CNTLN: variants seen among roughly 807,000 people sequenced by gnomAD.
CNTLN encodes centlein, centrosomal protein.
A neutral mutation model predicts 180.0 loss-of-function variants in CNTLN; 212 were observed. That is an observed-to-expected ratio of 1.18 (90% confidence interval 1.05 to 1.32). The LOEUF (loss-of-function observed/expected upper bound fraction) is 1.32, where lower values mean the gene tolerates loss of function less well. Ranked by LOEUF, CNTLN falls within the 40% of genes most tolerant of loss-of-function variation. The pLI is 0.00. For missense variants in CNTLN, 2,095 were observed against 1,610.9 expected (o/e 1.30, Z -5.14); for synonymous variants, 722 against 563.1 (o/e 1.28, Z -3.99).
chr9:17,379,678 T>G (rs1825067740), intron 13 of CNTLN, among the ~76,000 whole-genome samples: 1 of 152,206 alleles, frequency 6.6e-6, no homozygotes, highest in South Asian at 2.1e-4. Context: ...CCCTCTAACT[T>G]ACTTTTCTTC....
rs1285852816 is a variant in CNTLN, at chr9:17,207,521, A to G, written c.450-18682A>G. Reference sequence around the variant, plus strand: ...GGAATCTTCCGTTGTGCAGACTGCAAAAACCGTGGGAAAATTGTAGTACCT... The same window carrying G: ...GGAATCTTCCGTTGTGCAGACTGCAGAAACCGTGGGAAAATTGTAGTACCT... On this transcript the variant is annotated intron_variant, in intron 2 of 25. Coordinates refer to ENST00000380647, the MANE Select transcript of CNTLN (RefSeq NM_017738.4). 3.3e-5 allele frequency among the ~76,000 whole-genome samples: 5 copies of G among 152,198 alleles called. No individual in the cohort carries two copies. The East Asian group carries it at 9.7e-4, about 29-fold the overall frequency.
chr9:17,197,081 G>A (rs928759633), intron 2 of CNTLN, among the ~76,000 whole-genome samples: 2 of 152,082 alleles, frequency 1.3e-5, no homozygotes, highest in African/African-American at 4.8e-5. Flanking sequence ...CCCTAAATAT[G>A]TGAGCAAATT....
intron 7 of CNTLN, chr9:17,301,816 C>T (rs1260334263): frequency 1.0e-6 from 1 of 981,042 alleles, no homozygotes; most frequent in African/African-American, 1.8e-5. Flanking sequence ...TTTATAATTC[C>T]ATCTCCCAGA....
intron 16 of CNTLN, among the ~76,000 whole-genome samples, chr9:17,410,776 A>G (rs1457284267): frequency 6.6e-6 from 1 of 152,052 alleles, no homozygotes. Context: ...AATATTTGTC[A>G]TTAACTTTTT....
At chr9:17,354,950 T>C (rs1270508337) in intron 12 of CNTLN, among the ~76,000 whole-genome samples, 1 of 151,594 alleles carries the variant, frequency 6.6e-6, no homozygotes, top group Non-Finnish European at 1.5e-5. Context: ...AAGGAACAAC[T>C]CCAGACACGC....
intron 8 of CNTLN, among the ~76,000 whole-genome samples, chr9:17,318,610 A>T (rs186040593): frequency 3.3e-5 from 5 of 152,288 alleles, no homozygotes; most frequent in African/African-American, 1.2e-4. Context: ...GGACAAATGA[A>T]TTTGCTATTT....
chr9:17,345,516 G>T (rs564120988), intron 12 of CNTLN, among the ~76,000 whole-genome samples: 39 of 148,812 alleles, frequency 2.6e-4, no homozygotes, highest in South Asian at 6.4e-4. Context: ...TAGAGTTTTT[G>T]ACTATATCTT....
intron 15 of CNTLN, among the ~76,000 whole-genome samples, chr9:17,404,522 A>G (rs1827228472): frequency 6.6e-6 from 1 of 151,632 alleles, no homozygotes; most frequent in Admixed American, 6.6e-5. Flanking sequence ...AAAAGCGTCA[A>G]AAGGAGCTAC....
At chr9:17,518,322 C>T in the CNTLN span, among the ~76,000 whole-genome samples, 174 of 152,206 alleles carry the variant, frequency 1.1e-3, 1 homozygote, top group African/African-American at 3.9e-3. Context: ...GCTGGGATTA[C>T]AGGCATGAGC....
intron 12 of CNTLN, among the ~76,000 whole-genome samples, chr9:17,358,097 A>G (rs915600970): frequency 1.1e-4 from 16 of 152,026 alleles, no homozygotes; most frequent in Non-Finnish European, 2.2e-4. Flanking sequence ...AAAACCCTTG[A>G]GAGAAAAATT....
chr9:17,524,874 C>G, the CNTLN span, among the ~76,000 whole-genome samples: 1 of 152,168 alleles, frequency 6.6e-6, no homozygotes, highest in African/African-American at 2.4e-5. Context: ...GCCCCTGACA[C>G]CTGGGAGACG....
intron 15 of CNTLN, among the ~76,000 whole-genome samples, chr9:17,404,249 C>G (rs1827205354): frequency 6.6e-6 from 1 of 151,690 alleles, no homozygotes. Flanking sequence ...GGTATATGCC[C>G]TAAACTGAGA....
chr9:17,142,083 GAAAA>G (rs1180057903), intron 1 of CNTLN, among the ~76,000 whole-genome samples: 2 of 57,752 alleles, frequency 3.5e-5, no homozygotes, highest in East Asian at 4.6e-4. Flanking sequence ...CTCTGTCTCA[GAAAA>G]AAAAAAAAAA....
At chr9:17,483,507 T>C (rs1267535485) in intron 23 of CNTLN, among the ~76,000 whole-genome samples, 1 of 152,196 alleles carries the variant, frequency 6.6e-6, no homozygotes, top group Admixed American at 6.5e-5. Context: ...CCATTATTTA[T>C]TCTAACATTG....
At chr9:17,375,734 G>A (rs975045810) in intron 13 of CNTLN, among the ~76,000 whole-genome samples, 3 of 151,444 alleles carry the variant, frequency 2.0e-5, no homozygotes, top group African/African-American at 7.4e-5. Flanking sequence ...AAATCTTAGA[G>A]TTAGAAGGAA....
chr9:17,268,834 T>C (rs1827713430), intron 5 of CNTLN, among the ~76,000 whole-genome samples: 1 of 151,576 alleles, frequency 6.6e-6, no homozygotes, highest in African/African-American at 2.4e-5. Flanking sequence ...CGTAGGACCC[T>C]CTGAGCCAGG....
At position 17,143,330 on chromosome 9, in the gene CNTLN, G is replaced by C. The variant is rs1036781596; in HGVS notation, c.403G>C (p.Val135Leu). Residue 135 changes from valine (V) to leucine (L), a missense_variant, in exon 2 of 26, where the codon GTT becomes CTT. Transcript: ENST00000380647. ...FVWSLWKRLQ[V>L]TNPDLTQVVS... ...ATGGTCTTTGTGGAAACGTCTCCAG[G>C]TTACAAACCCAGATCTCACACAAGT... 4.3e-6 allele frequency: 7 copies of C among 1,613,558 alleles called. No individual in the cohort carries two copies. Among genetic ancestry groups the C allele is most frequent in the Admixed American group, 1.7e-5 (1 of 59,978 alleles).
chr9:17,224,973 C>A (rs1379601626), intron 2 of CNTLN, among the ~76,000 whole-genome samples: 2 of 151,628 alleles, frequency 1.3e-5, no homozygotes, highest in African/African-American at 2.4e-5. Flanking sequence ...TCTCCACCAC[C>A]ACGTCCTTAA....
intron 6 of CNTLN, among the ~76,000 whole-genome samples, chr9:17,296,526 T>A (rs1257909905): frequency 6.6e-6 from 1 of 152,182 alleles, no homozygotes; most frequent in African/African-American, 2.4e-5. Context: ...GACATTTTTT[T>A]AGGCCTCCTG....
Sources: gnomAD v4.1 joint callset for allele counts (sites outside exome capture counted in the v4.1 genomes callset) on GRCh38, gnomAD v4.1.1 for gene constraint, MANE v1.5 for transcripts, NCBI Gene and HGNC (gene_info 2026-07-23, HGNC 2026-07-21) for gene names.